Variants in INVS observed in about 807,000 individuals in gnomAD.
INVS encodes the protein inversion of embryo turning homolog.
INVS carries 86 observed loss-of-function variants against 108.8 expected under a neutral mutation model. That is an observed-to-expected ratio of 0.79 (90% CI 0.66 to 0.95). INVS has a LOEUF of 0.95. Ranked by LOEUF, INVS falls within the 40% of genes least tolerant of loss-of-function variation. The pLI is 0.00. For missense variants in INVS, 1,169 were observed against 1,297.4 expected, an observed-to-expected ratio of 0.90 and a Z score of 1.52; for synonymous variants, 455 against 473.5, an observed-to-expected ratio of 0.96 and a Z score of 0.51.
At chr9:100,265,603 T>G (rs978833783) in intron 11 of INVS, among the ~76,000 whole-genome samples, 2 of 152,190 alleles carry the variant, frequency 1.3e-5, no homozygotes, top group Non-Finnish European at 2.9e-5. Context: ...TTCCAGAGAT[T>G]TCTCTTGATG....
Position 100,271,800 on chromosome 9 carries a change from C to A in INVS, c.1572-1064C>A, listed in dbSNP as rs187503505. ...GAACTGTTATCTTTGTCTTTGATGT[C>A]TTTTTTACTCTGTAAAATTTTGTTA... On this transcript the variant is annotated intron_variant, in intron 11 of 16. Transcript: ENST00000262457. Among the ~76,000 whole-genome samples, 809 of 151,730 alleles carry A rather than the reference C, an allele frequency of 5.3e-3. 9 individuals are homozygous for A. Among genetic ancestry groups the A allele is most frequent in the African/African-American group, 0.018 (743 of 41,386 alleles).
At chr9:100,125,060 T>G (rs912856033) in intron 2 of INVS, among the ~76,000 whole-genome samples, 1 of 152,210 alleles carries the variant, frequency 6.6e-6, no homozygotes, top group African/African-American at 2.4e-5. Context: ...GCTTTTGCTA[T>G]CTTGATTCTG....
At chr9:100,225,591 C>T (rs887873081) in intron 3 of INVS, among the ~76,000 whole-genome samples, 2 of 152,076 alleles carry the variant, frequency 1.3e-5, no homozygotes, top group African/African-American at 4.8e-5. Flanking sequence ...ACTAATACAC[C>T]TACACATTGC....
intron 3 of INVS, chr9:100,130,386 G>A (rs1828020076): frequency 6.6e-6 from 1 of 152,200 alleles, no homozygotes. Context: ...AAGAGAAAGA[G>A]TGGAGATACA....
At chr9:100,297,261 G>T in intron 15 of INVS, 115 bp downstream of exon 15, 2 of 865,850 alleles carry the variant, frequency 2.3e-6, no homozygotes, top group Non-Finnish European at 3.8e-6. Context: ...AATTAGGTTG[G>T]TGCAAAATTA....
At chr9:100,183,324 C>T (rs992681180) in intron 3 of INVS, among the ~76,000 whole-genome samples, 1 of 152,016 alleles carries the variant, frequency 6.6e-6, no homozygotes, top group Non-Finnish European at 1.5e-5. Context: ...ATACAGGTGA[C>T]AACATACTCT....
intron 16 of INVS, chr9:100,298,281 GAAAT>G: frequency 7.6e-7 from 1 of 1,321,502 alleles, no homozygotes; most frequent in Non-Finnish European, 9.7e-7. Context: ...TCACACAAAG[GAAAT>G]AAATGAAAAT....
chr9:100,296,868 T>C, intron 14 of INVS, 49 bp from the exon 15 acceptor site: 1 of 1,453,676 alleles, frequency 6.9e-7, no homozygotes, highest in Non-Finnish European at 9.6e-7. Flanking sequence ...AAATTTAGTT[T>C]TCTCAGTACT....
chr9:100,108,863 A>G (rs1827255248), intron 2 of INVS, among the ~76,000 whole-genome samples: 1 of 152,242 alleles, frequency 6.6e-6, no homozygotes, highest in Non-Finnish European at 1.5e-5. Context: ...ACATCATTTC[A>G]GTAGCAATTC....
At chr9:100,205,915 G>A (rs1327055618) in intron 3 of INVS, among the ~76,000 whole-genome samples, 1 of 151,970 alleles carries the variant, frequency 6.6e-6, no homozygotes, top group African/African-American at 2.4e-5. Context: ...AATGTTAGAA[G>A]GAATCCTAGA....
chr9:100,106,323 CT>C (rs961030311), intron 2 of INVS, among the ~76,000 whole-genome samples: 23 of 152,250 alleles, frequency 1.5e-4, no homozygotes, highest in Admixed American at 1.0e-3. Flanking sequence ...GACATTGCTT[CT>C]TTTTTTCCCC....
intron 3 of INVS, among the ~76,000 whole-genome samples, chr9:100,181,075 A>G (rs1214890378): frequency 6.6e-6 from 1 of 152,178 alleles, no homozygotes; most frequent in Non-Finnish European, 1.5e-5. Flanking sequence ...ATAAAATTCA[A>G]CACCCCTTCA....
intron 3 of INVS, among the ~76,000 whole-genome samples, chr9:100,159,867 G>C (rs1024935375): frequency 2.0e-5 from 3 of 152,106 alleles, no homozygotes; most frequent in Non-Finnish European, 4.4e-5. Flanking sequence ...TGATTCTGCT[G>C]TTGTCAGAAT....
chr9:100,272,995 G>GTACC lies in INVS; in HGVS notation c.1703_1704insTACC (p.Tyr569ThrfsTer19). 6.2e-7 allele frequency: 1 copy of GTACC among 1,613,898 alleles called. No individual in the cohort carries two copies. The highest frequency in any genetic ancestry group is 1.7e-5 in the Admixed American group (1 of 59,992). On this transcript the variant is annotated frameshift_variant, in exon 12 of 17. Transcript: ENST00000262457. LOFTEE classifies it high-confidence loss of function. Reference sequence around the variant, plus strand: ...TTCAAAATCCAAGCTGTCTACAAAGGGTACAAGGTCAGAAAAGCCTTCCGA... The same window carrying GTACC: ...TTCAAAATCCAAGCTGTCTACAAAGGTACCGTACAAGGTCAGAAAAGCCTTCCGA...
intron 2 of INVS, among the ~76,000 whole-genome samples, chr9:100,115,880 C>CACAATGGTTGAACTAGTTT (rs1361694672): frequency 6.6e-6 from 1 of 152,142 alleles, no homozygotes; most frequent in East Asian, 1.9e-4. Flanking sequence ...CACTGTCTTC[C>CACAATGGTTGAACTAGTTT]ACAATGGTTG....
chr9:100,131,955 G>T, intron 3 of INVS: 1 of 954,058 alleles, frequency 1.0e-6, no homozygotes, highest in South Asian at 4.8e-5. Flanking sequence ...CTTATACCAG[G>T]TAACACTATT....
chr9:100,100,644 ATGTATATATAATATATATATTATATATG>A (rs1227795648), intron 1 of INVS, among the ~76,000 whole-genome samples: 1 of 51,210 alleles, frequency 2.0e-5, no homozygotes, highest in African/African-American at 1.2e-4. Context: ...TATATTATAT[ATGTATATATAATATATATATTATATATG>A]TACATATAAT....
At chr9:100,151,450 G>T (rs1828805473) in intron 3 of INVS, among the ~76,000 whole-genome samples, 1 of 151,938 alleles carries the variant, frequency 6.6e-6, no homozygotes, top group African/African-American at 2.4e-5. Context: ...CTGCATTCCA[G>T]CCTGGACAAC....
intron 3 of INVS, among the ~76,000 whole-genome samples, chr9:100,154,329 T>TA (rs1828898686): frequency 7.5e-6 from 1 of 133,392 alleles, no homozygotes; most frequent in South Asian, 2.5e-4. Flanking sequence ...CACAACCGAC[T>TA]AATTTTTTTT....
Sources: gnomAD v4.1 joint callset for allele counts (sites outside exome capture counted in the v4.1 genomes callset) on GRCh38, gnomAD v4.1.1 for gene constraint, MANE v1.5 for transcripts, NCBI Gene and HGNC (gene_info 2026-07-23, HGNC 2026-07-21) for gene names.